Variants in PCCA observed in about 807,000 individuals in gnomAD.
PCCA encodes the protein propionyl-CoA carboxylase subunit alpha.
In PCCA, 74 loss-of-function variants were observed where a neutral mutation model predicts 101.3. That is an observed-to-expected ratio of 0.73 (90% CI 0.61 to 0.89). PCCA has a LOEUF of 0.89. PCCA is among the 40% of genes least tolerant of loss of function. The probability of loss-of-function intolerance (pLI) is 0.00; values close to 1 mark genes in which losing one functional copy is unlikely to be tolerated. For synonymous variants in PCCA, 294 were observed against 313.6 expected (o/e 0.94, Z 0.66); for missense variants, 891 against 907.0 (o/e 0.98, Z 0.23).
At chr13:100,155,579 A>G (rs1346573171) in intron 5 of PCCA, among the ~76,000 whole-genome samples, 5 of 152,254 alleles carry the variant, frequency 3.3e-5, no homozygotes, top group Non-Finnish European at 7.3e-5. Flanking sequence ...ATAATTTACA[A>G]GGATAAATCA....
intron 6 of PCCA, among the ~76,000 whole-genome samples, chr13:100,165,860 G>C (rs1038804217): frequency 6.6e-6 from 1 of 151,812 alleles, no homozygotes; most frequent in Non-Finnish European, 1.5e-5. Flanking sequence ...ATCCAGCCTG[G>C]GTGACAGAGC....
chr13:100,411,571 A>G (rs910323449), intron 19 of PCCA, among the ~76,000 whole-genome samples: 5 of 152,186 alleles, frequency 3.3e-5, no homozygotes, highest in Admixed American at 2.6e-4. Context: ...GTCTTAGTCA[A>G]TTTGGACTGC....
At chr13:100,332,752 A>G (rs1595396813) in intron 17 of PCCA, among the ~76,000 whole-genome samples, 1 of 152,196 alleles carries the variant, frequency 6.6e-6, no homozygotes, top group African/African-American at 2.4e-5. Flanking sequence ...ATAATATATT[A>G]CATTTCTTTT....
chr13:100,171,457 C>G (rs990673757), intron 6 of PCCA, among the ~76,000 whole-genome samples: 2 of 152,128 alleles, frequency 1.3e-5, no homozygotes, highest in Admixed American at 1.3e-4. Flanking sequence ...AATGAGCATG[C>G]CTCCTCTGAC....
At chr13:100,275,256 A>C (rs2063565501) in intron 12 of PCCA, among the ~76,000 whole-genome samples, 1 of 152,046 alleles carries the variant, frequency 6.6e-6, no homozygotes, top group African/African-American at 2.4e-5. Context: ...TCCCAGAGGG[A>C]GACTCCTGTG....
chr13:100,399,308 T>C (rs2077205629), intron 19 of PCCA, among the ~76,000 whole-genome samples: 1 of 152,242 alleles, frequency 6.6e-6, no homozygotes, highest in Non-Finnish European at 1.5e-5. Context: ...TGTAATTCAC[T>C]AAGTTTCTTG....
At chr13:100,198,466 ACGTTCATT>A (rs954774782) in intron 6 of PCCA, 1 of 137,220 alleles carries the variant, frequency 7.3e-6, no homozygotes, top group African/African-American at 2.7e-5. Flanking sequence ...TGCAGTTGCC[ACGTTCATT>A]CATTCATTCA....
intron 9 of PCCA, among the ~76,000 whole-genome samples, chr13:100,261,301 G>A (rs2062489225): frequency 6.6e-6 from 1 of 151,534 alleles, no homozygotes; most frequent in South Asian, 2.1e-4. Context: ...TATATCAATG[G>A]ATAGAAGGCA....
chr13:100,308,132 C>T (rs1410533335), intron 15 of PCCA, among the ~76,000 whole-genome samples: 2 of 152,088 alleles, frequency 1.3e-5, no homozygotes, highest in South Asian at 2.1e-4. Context: ...GGATTACAGG[C>T]GTGAGCCACA....
At chr13:100,145,107 A>T (rs1208280631) in intron 4 of PCCA, among the ~76,000 whole-genome samples, 1 of 152,252 alleles carries the variant, frequency 6.6e-6, no homozygotes, top group African/African-American at 2.4e-5. Flanking sequence ...TCAACAGAGA[A>T]CATCTCTAAG....
chr13:100,445,653 A>G (rs546649254), intron 20 of PCCA, among the ~76,000 whole-genome samples: 1 of 152,202 alleles, frequency 6.6e-6, no homozygotes, highest in East Asian at 1.9e-4. Flanking sequence ...CATGTAAGTG[A>G]GGTCATATGG....
intron 18 of PCCA, among the ~76,000 whole-genome samples, chr13:100,353,039 C>G (rs1172654857): frequency 6.6e-6 from 1 of 152,134 alleles, no homozygotes; most frequent in African/African-American, 2.4e-5. Flanking sequence ...AAAATTATTG[C>G]TAGAGACAGA....
At chr13:100,209,575 CAT>C (rs1555379296) in intron 7 of PCCA, 112 bp downstream of exon 7, 7 of 759,668 alleles carry the variant, frequency 9.2e-6, no homozygotes, top group Admixed American at 1.9e-5. Flanking sequence ...CACACACACA[CAT>C]ATGCACGCAC....
At chr13:100,418,606 C>T (rs367696900) in intron 19 of PCCA, among the ~76,000 whole-genome samples, 1 of 152,020 alleles carries the variant, frequency 6.6e-6, no homozygotes, top group East Asian at 1.9e-4. Context: ...TTTGGGAGGC[C>T]GAGGTGGGCA....
At chr13:100,477,860 A>G (rs2083535871) in intron 21 of PCCA, among the ~76,000 whole-genome samples, 1 of 152,120 alleles carries the variant, frequency 6.6e-6, no homozygotes, top group South Asian at 2.1e-4. Context: ...AGAAGCCTCT[A>G]CCTTCCCTGG....
At chr13:100,169,581 G>A (rs1018806879) in intron 6 of PCCA, among the ~76,000 whole-genome samples, 13 of 151,980 alleles carry the variant, frequency 8.6e-5, no homozygotes, top group African/African-American at 3.1e-4. Context: ...AGGCTAGGGT[G>A]CAGTGGCACG....
intron 21 of PCCA, among the ~76,000 whole-genome samples, chr13:100,464,255 T>G (rs185895321): frequency 6.6e-6 from 1 of 152,164 alleles, no homozygotes; most frequent in Non-Finnish European, 1.5e-5. Context: ...TAAGTAGAGT[T>G]TGTCTTCCTG....
At chr13:100,372,377 C>CAA (rs771554225) in intron 19 of PCCA, among the ~76,000 whole-genome samples, 5 of 151,704 alleles carry the variant, frequency 3.3e-5, no homozygotes, top group Non-Finnish European at 5.9e-5. Flanking sequence ...CAAAACAAAA[C>CAA]AAAAAAACCA....
At chr13:100,419,158 A>G (rs532600835) in intron 19 of PCCA, among the ~76,000 whole-genome samples, 1 of 152,160 alleles carries the variant, frequency 6.6e-6, no homozygotes. Context: ...CAAGTAAAGA[A>G]TAATGAGAAT....
Sources: gnomAD v4.1 joint callset for allele counts (sites outside exome capture counted in the v4.1 genomes callset) on GRCh38, gnomAD v4.1.1 for gene constraint, MANE v1.5 for transcripts, NCBI Gene and HGNC (gene_info 2026-07-23, HGNC 2026-07-21) for gene names.